Variants in PRDM16 observed in about 807,000 individuals in gnomAD.
PRDM16 encodes PR/SET domain 16.
Under a neutral mutation model 110.6 loss-of-function variants are expected in PRDM16, and 23 were observed. The ratio of observed to expected loss-of-function variants is 0.21; its 90% CI spans 0.15 to 0.29. The LOEUF is 0.29. Ranked by LOEUF, PRDM16 falls within the 10% of genes least tolerant of loss-of-function variation. PRDM16 has a pLI of 1.00. For missense variants in PRDM16, 1,615 were observed against 1,794.3 expected (o/e 0.90, Z 1.81); for synonymous variants, 799 against 781.8 (o/e 1.02, Z -0.37).
intron 3 of PRDM16, among the ~76,000 whole-genome samples, chr1:3,256,492 CAGGG>C (rs965864694): frequency 6.6e-6 from 1 of 152,192 alleles, no homozygotes. Context: ...TGCGGGGAGA[CAGGG>C]AGAGAATGAG....
chr1:3,431,913 C>A, intron 15 of PRDM16, 53 bp from the exon 16 acceptor site: 1 of 1,577,394 alleles, frequency 6.3e-7, no homozygotes, highest in African/African-American at 1.3e-5. Context: ...AGAGAGGCGG[C>A]CAAGGCCAGG....
intron 3 of PRDM16, among the ~76,000 whole-genome samples, chr1:3,367,052 G>A (rs995787732): frequency 6.6e-6 from 1 of 152,220 alleles, no homozygotes; most frequent in Non-Finnish European, 1.5e-5. Flanking sequence ...TGGATCACCT[G>A]AGGTCAGGAG....
chr1:3,321,389 TGTG>T (rs1641740922), intron 3 of PRDM16, among the ~76,000 whole-genome samples: 1 of 39,784 alleles, frequency 2.5e-5, no homozygotes, highest in African/African-American at 2.1e-4. Context: ...TGTGGGTCTC[TGTG>T]AGTGTGTGCA....
At chr1:3,380,008 C>G (rs1643073796) in intron 3 of PRDM16, among the ~76,000 whole-genome samples, 1 of 139,044 alleles carries the variant, frequency 7.2e-6, no homozygotes, top group Non-Finnish European at 1.6e-5. Context: ...CAGCACACCC[C>G]TCCCAGTGCA....
intron 1 of PRDM16, among the ~76,000 whole-genome samples, chr1:3,132,406 G>C (rs1392560426): frequency 6.6e-6 from 1 of 152,186 alleles, no homozygotes; most frequent in African/African-American, 2.4e-5. Flanking sequence ...GCCCTTGGGA[G>C]GCCTGAGCCT....
chr1:3,417,591 G>A (rs1013776697), intron 10 of PRDM16, among the ~76,000 whole-genome samples: 2 of 152,190 alleles, frequency 1.3e-5, no homozygotes, highest in Non-Finnish European at 2.9e-5. Flanking sequence ...GCTCCTGCAG[G>A]AAAGACCTTA....
At chr1:3,388,367 A>G (rs916958297) in intron 4 of PRDM16, among the ~76,000 whole-genome samples, 6 of 152,180 alleles carry the variant, frequency 3.9e-5, no homozygotes, top group Non-Finnish European at 8.8e-5. Flanking sequence ...GCACAGACAC[A>G]GAAGGGAAGG....
intron 1 of PRDM16, among the ~76,000 whole-genome samples, chr1:3,104,336 G>A (rs895698766): frequency 3.9e-5 from 6 of 152,188 alleles, no homozygotes; most frequent in African/African-American, 9.7e-5. Context: ...GGGAGGGGTG[G>A]GGTTGGAAGG....
At chr1:3,127,617 T>C (rs2817174) in intron 1 of PRDM16, among the ~76,000 whole-genome samples, 84,127 of 152,196 alleles carry the variant, frequency 0.55, 26,094 homozygotes, top group African/African-American at 0.85. Context: ...GCCTGTAAAC[T>C]GATACAGATG....
chr1:3,347,167 G>A (rs1642378425), intron 3 of PRDM16, among the ~76,000 whole-genome samples: 2 of 152,206 alleles, frequency 1.3e-5, no homozygotes, highest in Admixed American at 1.3e-4. Flanking sequence ...GGGGCAGGCG[G>A]CCGTCCCTCC....
intron 2 of PRDM16, among the ~76,000 whole-genome samples, chr1:3,211,211 A>T (rs1175066631): frequency 2.0e-5 from 3 of 152,168 alleles, no homozygotes; most frequent in Admixed American, 6.5e-5. Context: ...CATTGTACAC[A>T]GGTCTGTTGA....
rs1414816499 is a variant in PRDM16, at chr1:3,069,493, C to A, written c.37+197C>A. 5.8e-4 allele frequency among the ~76,000 whole-genome samples: 84 copies of A among 145,696 alleles called. No homozygotes were observed. The highest frequency in any genetic ancestry group is 2.1e-3 in the African/African-American group (83 of 40,400). ...GGGCTCGGCGCGGAGGCTCGGGGCGCCCGGGCCGCGCGCTCCCCGAAGGCG... is the reference window on the plus strand; with the variant it reads ...GGGCTCGGCGCGGAGGCTCGGGGCGACCGGGCCGCGCGCTCCCCGAAGGCG... On this transcript the variant is annotated intron_variant, in intron 1 of 16. Coordinates refer to ENST00000270722, the MANE Select transcript of PRDM16 (RefSeq NM_022114.4). This position sits in a 1 kb window ranked among gnomAD's most constrained non-coding sequence, Gnocchi z 6.1.
chr1:3,337,263 A>G (rs563931590), intron 3 of PRDM16, among the ~76,000 whole-genome samples: 3 of 152,284 alleles, frequency 2.0e-5, no homozygotes, highest in African/African-American at 7.2e-5. Flanking sequence ...GTGCATGTGT[A>G]TCTGTGAATC....
chr1:3,293,807 G>A (rs968625215), intron 3 of PRDM16, among the ~76,000 whole-genome samples: 1 of 152,176 alleles, frequency 6.6e-6, no homozygotes, highest in Non-Finnish European at 1.5e-5. Flanking sequence ...ATCCTTTGTC[G>A]GCTTCTCCAT....
At chr1:3,330,362 A>C (rs1642017338) in intron 3 of PRDM16, among the ~76,000 whole-genome samples, 1 of 152,210 alleles carries the variant, frequency 6.6e-6, no homozygotes, top group African/African-American at 2.4e-5. Flanking sequence ...TTTAATTGTC[A>C]CTTGGCAAGG....
chr1:3,119,133 A>G (rs1318260226), intron 1 of PRDM16, among the ~76,000 whole-genome samples: 1 of 152,158 alleles, frequency 6.6e-6, no homozygotes, highest in Non-Finnish European at 1.5e-5. Context: ...TGGCTGGCCT[A>G]GTGACTTCCA....
At chr1:3,279,994 T>C (rs1338620730) in intron 3 of PRDM16, among the ~76,000 whole-genome samples, 1 of 151,834 alleles carries the variant, frequency 6.6e-6, no homozygotes, top group African/African-American at 2.4e-5. Context: ...AAAAGAAATA[T>C]TGATTTATTT....
intron 1 of PRDM16, among the ~76,000 whole-genome samples, chr1:3,176,111 T>A: frequency 6.6e-6 from 1 of 151,518 alleles, no homozygotes; most frequent in African/African-American, 2.4e-5. Context: ...ACCCATCCAT[T>A]CATCCATTCC....
At chr1:3,179,456 C>A (rs1644126136) in intron 1 of PRDM16, among the ~76,000 whole-genome samples, 1 of 152,232 alleles carries the variant, frequency 6.6e-6, no homozygotes, top group South Asian at 2.1e-4. Flanking sequence ...GAGGAGCACA[C>A]CCTCCTTCCA....
Sources: gnomAD v4.1 joint callset for allele counts (sites outside exome capture counted in the v4.1 genomes callset) on GRCh38, gnomAD v4.1.1 for gene constraint, Gnocchi (gnomAD v3.1) non-coding constraint, MANE v1.5 for transcripts, NCBI Gene and HGNC (gene_info 2026-07-23, HGNC 2026-07-21) for gene names.